Variants in PTPRD observed in about 807,000 individuals in gnomAD.
PTPRD encodes protein tyrosine phosphatase receptor type D, also known as receptor-type tyrosine-protein phosphatase delta.
Under a neutral mutation model 214.5 loss-of-function variants are expected in PTPRD, and 34 were observed. The observed-to-expected ratio is 0.16, with a 90% confidence interval of 0.12 to 0.21. The LOEUF is 0.21. Among genes scored for constraint, PTPRD ranks in the 10% least tolerant of loss-of-function variants. The probability of loss-of-function intolerance (pLI) is 1.00; values close to 1 mark genes in which losing one functional copy is unlikely to be tolerated. For missense variants in PTPRD, 2,545 were observed against 2,398.7 expected, an observed-to-expected ratio of 1.06 and a Z score of -1.27; for synonymous variants, 1,128 against 845.7, an observed-to-expected ratio of 1.33 and a Z score of -5.79.
intron 10 of PTPRD, among the ~76,000 whole-genome samples, chr9:9,024,828 T>A (rs2154372287): frequency 6.6e-6 from 1 of 152,034 alleles, no homozygotes; most frequent in South Asian, 2.1e-4. Context: ...ACATAAAGAT[T>A]TGATTTAAAA....
At chr9:8,648,349 A>C (rs988828361) in intron 12 of PTPRD, among the ~76,000 whole-genome samples, 2 of 152,238 alleles carry the variant, frequency 1.3e-5, no homozygotes, top group African/African-American at 4.8e-5. Context: ...TGATGTGCTT[A>C]GTAAGGCTGG....
intron 11 of PTPRD, among the ~76,000 whole-genome samples, chr9:8,756,517 T>TAG (rs1034360080): frequency 3.3e-5 from 5 of 152,200 alleles, no homozygotes; most frequent in African/African-American, 1.2e-4. Context: ...GTATCCATGT[T>TAG]AAAGCTGTAT....
intron 2 of PTPRD, among the ~76,000 whole-genome samples, chr9:10,431,604 C>T (rs1446683578): frequency 1.3e-5 from 2 of 151,864 alleles, no homozygotes; most frequent in South Asian, 2.1e-4. Flanking sequence ...AAACAAACAA[C>T]CCCATCAAAA....
At chr9:9,921,323 T>C (rs1365285339) in intron 5 of PTPRD, among the ~76,000 whole-genome samples, 3 of 152,052 alleles carry the variant, frequency 2.0e-5, no homozygotes, top group Non-Finnish European at 4.4e-5. Context: ...TAATACATAG[T>C]AAAATAGAAA....
intron 10 of PTPRD, among the ~76,000 whole-genome samples, chr9:9,113,950 G>A (rs1471600919): frequency 1.3e-5 from 2 of 152,150 alleles, no homozygotes; most frequent in East Asian, 3.9e-4. Flanking sequence ...AGTATGAGAA[G>A]AATGGTCTGT....
chr9:8,934,482 TATATATATATAA>T (rs2098980541), intron 11 of PTPRD, among the ~76,000 whole-genome samples: 4 of 7,660 alleles, frequency 5.2e-4, no homozygotes, highest in African/African-American at 1.1e-3. Context: ...TATATAAATA[TATATATATATAA>T]ATATATATAT....
At chr9:9,862,142 C>T (rs528115191) in intron 5 of PTPRD, among the ~76,000 whole-genome samples, 7 of 151,668 alleles carry the variant, frequency 4.6e-5, no homozygotes, top group Non-Finnish European at 1.0e-4. Context: ...TTTTTCTCAC[C>T]AACTTATTCC....
intron 3 of PTPRD, among the ~76,000 whole-genome samples, chr9:10,044,049 G>C (rs1021636047): frequency 6.6e-6 from 1 of 151,748 alleles, no homozygotes; most frequent in Non-Finnish European, 1.5e-5. Context: ...ACATGAGAGA[G>C]AGGAGGTCTG....
At chr9:10,366,820 C>T (rs1465647907) in intron 2 of PTPRD, among the ~76,000 whole-genome samples, 1 of 152,098 alleles carries the variant, frequency 6.6e-6, no homozygotes, top group Non-Finnish European at 1.5e-5. Flanking sequence ...CATAATTCTC[C>T]TTGGCAAAAC....
intron 11 of PTPRD, among the ~76,000 whole-genome samples, chr9:8,751,380 G>A (rs531263702): frequency 2.7e-5 from 4 of 150,650 alleles, no homozygotes; most frequent in East Asian, 3.9e-4. Flanking sequence ...CTGTGATTCC[G>A]GAAAGGCTTT....
At chr9:9,495,432 T>A (rs2154214801) in intron 8 of PTPRD, among the ~76,000 whole-genome samples, 1 of 152,124 alleles carries the variant, frequency 6.6e-6, no homozygotes, top group South Asian at 2.1e-4. Context: ...TCTTTCTGAA[T>A]AATGCCTTTT....
At position 9,294,197 on chromosome 9, in the gene PTPRD, T is replaced by C. The variant is rs116897294; in HGVS notation, c.-203+103252A>G. Among the ~76,000 whole-genome samples, 185 of 151,824 alleles carry C rather than the reference T, an allele frequency of 1.2e-3. 3 individuals carry two copies. In the East Asian group the frequency reaches 0.033, roughly 27 times the overall value. The stretch of plus-strand genomic sequence containing the variant: ...AGAATGTTGTGAAATGTAAAACTTA[T>C]GAATTGTTTATTTCTGGAATTTTCC... On this transcript the variant is annotated intron_variant, in intron 9 of 45. Coordinates refer to ENST00000381196, the MANE Select transcript of PTPRD (RefSeq NM_002839.4).
At chr9:10,420,269 C>G (rs1218045357) in intron 2 of PTPRD, among the ~76,000 whole-genome samples, 8 of 151,726 alleles carry the variant, frequency 5.3e-5, no homozygotes, top group Admixed American at 2.0e-4. Context: ...AGAATTTATT[C>G]CCTCTTAATT....
At chr9:9,287,105 G>GA (rs1380973164) in intron 9 of PTPRD, among the ~76,000 whole-genome samples, 1 of 150,444 alleles carries the variant, frequency 6.6e-6, no homozygotes, top group Non-Finnish European at 1.5e-5. Context: ...TGGACCTGAA[G>GA]TCCCAGCTAC....
chr9:9,815,241 G>T (rs2048391768), intron 5 of PTPRD, among the ~76,000 whole-genome samples: 1 of 152,096 alleles, frequency 6.6e-6, no homozygotes, highest in African/African-American at 2.4e-5. Context: ...AATCTTTGAT[G>T]AGAGTGCCAA....
chr9:8,681,539 A>C (rs1356734399), intron 12 of PTPRD, among the ~76,000 whole-genome samples: 1 of 152,098 alleles, frequency 6.6e-6, no homozygotes, highest in South Asian at 2.1e-4. Flanking sequence ...TTTGTCCCTC[A>C]ATCTGTACCT....
intron 2 of PTPRD, among the ~76,000 whole-genome samples, chr9:10,539,037 T>G (rs545485892): frequency 1.3e-5 from 2 of 152,254 alleles, no homozygotes; most frequent in East Asian, 3.9e-4. Context: ...ATCCAAAGCA[T>G]CACTCTTTCC....
chr9:9,323,934 G>A lies in PTPRD; in HGVS notation c.-203+73515C>T, dbSNP rs149800087. Among the ~76,000 whole-genome samples, 204 of 152,254 alleles carry A rather than the reference G, an allele frequency of 1.3e-3. 1 individual carries two copies. Among genetic ancestry groups the A allele is most frequent in the African/African-American group, 4.6e-3 (193 of 41,568 alleles). ...AATGCCCAGCTATGAATGAGAACAT[G>A]GAGTGTTTGGTTTTCTGTCCTTGTG... is the stretch of plus-strand genomic sequence containing the variant. On this transcript the variant is annotated intron_variant, in intron 9 of 45. Transcript: ENST00000381196.
At chr9:9,910,885 C>A (rs1254400322) in intron 5 of PTPRD, among the ~76,000 whole-genome samples, 1 of 151,998 alleles carries the variant, frequency 6.6e-6, no homozygotes, top group Non-Finnish European at 1.5e-5. Flanking sequence ...CAATCTTTGT[C>A]AAAACCCAAC....
Sources: gnomAD v4.1 joint callset for allele counts (sites outside exome capture counted in the v4.1 genomes callset) on GRCh38, gnomAD v4.1.1 for gene constraint, MANE v1.5 for transcripts, NCBI Gene and HGNC (gene_info 2026-07-23, HGNC 2026-07-21) for gene names.